The following SYT13 variants were observed in gnomAD, a reference collection of about 807,000 sequenced individuals.
The protein encoded by SYT13 is synaptotagmin 13, also known as synaptotagmin-13.
A neutral mutation model predicts 38.6 loss-of-function variants in SYT13; 21 were observed. The observed-to-expected ratio is 0.54, with a 90% CI of 0.39 to 0.78. The LOEUF is 0.78. Ranked by LOEUF, SYT13 falls within the 30% of genes least tolerant of loss-of-function variation. The pLI is 0.00. For missense variants in SYT13, 495 were observed against 548.7 expected, an observed-to-expected ratio of 0.90 and a Z score of 0.98; for synonymous variants, 241 against 237.6, an observed-to-expected ratio of 1.01 and a Z score of -0.13.
At chr11:45,282,997 A>G (rs569864053) in intron 1 of SYT13, among the ~76,000 whole-genome samples, 1 of 152,262 alleles carries the variant, frequency 6.6e-6, no homozygotes, top group Non-Finnish European at 1.5e-5. Flanking sequence ...ACATAAAAAA[A>G]ATTAGTCAGG....
intron 1 of SYT13, among the ~76,000 whole-genome samples, chr11:45,270,606 A>G (rs1294920853): frequency 6.6e-6 from 1 of 152,236 alleles, no homozygotes; most frequent in African/African-American, 2.4e-5. Flanking sequence ...TATCCTTATA[A>G]TAAGACCTCT....
rs777850791 is a variant in SYT13 at position 45,254,392 on chromosome 11, T to A, written c.422A>T (p.Asp141Val). 1 of 1,613,058 alleles carries A rather than the reference T, an allele frequency of 6.2e-7. No individual in the cohort carries two copies. The highest frequency in any genetic ancestry group is 2.2e-5 in the East Asian group (1 of 44,816). The part of the protein sequence containing the change: ...FILPQNGVVE[D>V]VCVMETWNPE... ...GTTCCAGGTCTCCATGACACAGACA[T>A]CCTCCACCACACCTGTTAAGAAAGT... The change falls in exon 3 of 6, where the codon GAT becomes GTT. Residue 141 changes from aspartate (D) to valine (V), a missense_variant. Physicochemically the swap from Asp to Val is radical, Grantham distance 152. Transcript: ENST00000020926.
chr11:45,251,904 A>G (rs1854680996), intron 4 of SYT13, among the ~76,000 whole-genome samples: 1 of 152,206 alleles, frequency 6.6e-6, no homozygotes, highest in Non-Finnish European at 1.5e-5. Context: ...ATTCTTTATC[A>G]GAGCACATTG....
intron 1 of SYT13, among the ~76,000 whole-genome samples, chr11:45,280,507 G>A (rs181558880): frequency 6.6e-6 from 1 of 152,244 alleles, no homozygotes; most frequent in Admixed American, 6.5e-5. Context: ...CCTTACTGAC[G>A]TATAACTGCA....
At position 45,252,610 on chromosome 11, in the gene SYT13, G is replaced by T. The variant is rs757980934; in HGVS notation, c.657C>A (p.Thr219=). 11 of 1,614,152 alleles carry T rather than the reference G, an allele frequency of 6.8e-6. No individual in the cohort carries two copies. In the South Asian group the frequency reaches 1.2e-4, roughly 18 times the overall value. ...GGAGCACCAGGCCCTCCTCCCAGGTGGTGTGCAGCTGCCGCTTCTTTAGGG... is the reference window on the plus strand; with the variant it reads ...GGAGCACCAGGCCCTCCTCCCAGGTTGTGTGCAGCTGCCGCTTCTTTAGGG... ...QTALKKRQLH[T]TWEEGLVLPL... The change falls in exon 4 of 6, where the codon ACC becomes ACA. Residue 219 remains threonine (T), a synonymous_variant. Coordinates refer to ENST00000020926, the MANE Select transcript of SYT13 (RefSeq NM_020826.3). The surrounding 1 kb of genome is among the most constrained non-coding windows in gnomAD (Gnocchi z 4.3).
chr11:45,248,263 A>C (rs1281344316), intron 4 of SYT13, among the ~76,000 whole-genome samples: 4 of 152,220 alleles, frequency 2.6e-5, no homozygotes, highest in Non-Finnish European at 5.9e-5. Flanking sequence ...TACATTGTCC[A>C]TCCCACTAGA....
chr11:45,272,218 T>G (rs538199155), intron 1 of SYT13, among the ~76,000 whole-genome samples: 1 of 152,038 alleles, frequency 6.6e-6, no homozygotes, highest in Non-Finnish European at 1.5e-5. Context: ...TGGGGAGGGA[T>G]AGCATTAGGA....
chr11:45,285,959 C>T, intron 1 of SYT13, 66 bp downstream of exon 1: 1 of 1,554,406 alleles, frequency 6.4e-7, no homozygotes, highest in South Asian at 1.2e-5. Flanking sequence ...CACCCCAGTT[C>T]CCCCTCTGCA....
chr11:45,249,513 G>T (rs2135887363), intron 4 of SYT13, among the ~76,000 whole-genome samples: 1 of 152,302 alleles, frequency 6.6e-6, no homozygotes, highest in Non-Finnish European at 1.5e-5. Context: ...GTCCATCAAT[G>T]ATAGACTGAA....
At chr11:45,282,973 C>T (rs4556529) in intron 1 of SYT13, among the ~76,000 whole-genome samples, 91,513 of 151,788 alleles carry the variant, frequency 0.6, 28,696 homozygotes, top group East Asian at 0.74. Flanking sequence ...CATGGTGAGC[C>T]TTGTCTCTAC....
chr11:45,279,479 T>C lies in SYT13; in HGVS notation c.183+6546A>G, dbSNP rs1590533423. On this transcript the variant is annotated intron_variant, in intron 1 of 5. Coordinates refer to ENST00000020926, the MANE Select transcript of SYT13 (RefSeq NM_020826.3). ...GCACATGACTGTATTCCCAGCTACT[T>C]GGGAGGCTGAGGTGGGAGGATCACT... Among the ~76,000 whole-genome samples the C allele has an allele frequency of 2.0e-5, 3 of 152,168 alleles. No homozygotes were observed. In the East Asian group the frequency reaches 5.8e-4, roughly 29 times the overall value.
chr11:45,243,870 T>C lies in SYT13; in HGVS notation c.*182A>G. On this transcript the variant is annotated 3_prime_UTR_variant, in exon 6 of 6. Transcript: ENST00000020926. ...TGCATTCCTCAGTGTGACCCGCATA[T>C]TCCATTTCCTGCTCTGTCTTGCTTA... is the stretch of plus-strand genomic sequence containing the variant. The C allele has an allele frequency of 1.5e-6, 1 of 646,910 alleles. No homozygotes were observed. Among genetic ancestry groups the C allele is most frequent in the Non-Finnish European group, 2.6e-6 (1 of 380,342 alleles). The allele number at this position is 646,910 out of a possible 1,614,324, so 40.1% of individuals were successfully genotyped here.
intron 5 of SYT13, among the ~76,000 whole-genome samples, chr11:45,245,042 G>T (rs956574038): frequency 1.3e-5 from 2 of 152,172 alleles, no homozygotes; most frequent in African/African-American, 4.8e-5. Context: ...CAAAATAGGA[G>T]ATCCCCTGCT....
intron 1 of SYT13, among the ~76,000 whole-genome samples, chr11:45,277,034 C>T (rs1002569566): frequency 2.6e-5 from 4 of 152,176 alleles, no homozygotes; most frequent in Admixed American, 6.5e-5. Flanking sequence ...AAACAAAATG[C>T]CATGTACCCA....
At chr11:45,254,000 G>T (rs75849686) in intron 3 of SYT13, 5,133 of 299,222 alleles carry the variant, frequency 0.017, 271 homozygotes, top group African/African-American at 0.1. Context: ...GACAAGGAGA[G>T]GGGGGTTATG....
chr11:45,261,773 C>A (rs74517987), intron 1 of SYT13, among the ~76,000 whole-genome samples: 11 of 151,252 alleles, frequency 7.3e-5, no homozygotes, highest in Non-Finnish European at 1.5e-4. Context: ...AAAATCAGCC[C>A]GGGCTTTGTG....
chr11:45,253,802 G>A, intron 3 of SYT13: 1 of 152,676 alleles, frequency 6.5e-6, no homozygotes, highest in Non-Finnish European at 1.5e-5. Flanking sequence ...TCCTTCCGGG[G>A]CACCTGTCGG....
At chr11:45,283,144 T>A (rs987424978) in intron 1 of SYT13, among the ~76,000 whole-genome samples, 1 of 152,188 alleles carries the variant, frequency 6.6e-6, no homozygotes, top group South Asian at 2.1e-4. Context: ...TCAGACCTTA[T>A]GTAAAAAATA....
At position 45,252,310 on chromosome 11, in the gene SYT13, G is replaced by A; in HGVS notation, c.846+111C>T. ...AACCTCCCTTCCAGCCCCAAGCCAG[G>A]GAGGTCTCTGAGGCTTGTTCCCTAA... On this transcript the variant is annotated intron_variant, in intron 4 of 5. Transcript: ENST00000020926. The surrounding 1 kb of genome is among the most constrained non-coding windows in gnomAD (Gnocchi z 4.3). 7.7e-7 allele frequency: 1 copy of A among 1,291,078 alleles called. No homozygotes were observed. Among genetic ancestry groups the A allele is most frequent in the East Asian group, 2.4e-5 (1 of 42,474 alleles). The allele number at this position is 1,291,078 out of a possible 1,614,324, so 80.0% of individuals were successfully genotyped here.
Sources: gnomAD v4.1 joint callset for allele counts (sites outside exome capture counted in the v4.1 genomes callset) on GRCh38, gnomAD v4.1.1 for gene constraint, Gnocchi (gnomAD v3.1) non-coding constraint, MANE v1.5 for transcripts, NCBI Gene and HGNC (gene_info 2026-07-23, HGNC 2026-07-21) for gene names.